The following EZH2 variants were observed in gnomAD, a reference collection of about 807,000 sequenced individuals.
EZH2 encodes histone-lysine N-methyltransferase EZH2.
EZH2 carries 18 observed loss-of-function variants against 98.4 expected under a neutral mutation model. The ratio of observed to expected loss-of-function variants is 0.18; its 90% CI spans 0.13 to 0.27. The LOEUF is 0.27. Ranked by LOEUF, EZH2 falls within the 10% of genes least tolerant of loss-of-function variation. The probability of loss-of-function intolerance (pLI) is 1.00; values close to 1 mark genes in which losing one functional copy is unlikely to be tolerated. For synonymous variants in EZH2, 338 were observed against 312.3 expected, an observed-to-expected ratio of 1.08 and a Z score of -0.87; for missense variants, 470 against 935.1, an observed-to-expected ratio of 0.50 and a Z score of 6.49.
intron 1 of EZH2, among the ~76,000 whole-genome samples, chr7:148,854,247 T>G (rs1285422672): frequency 1.3e-5 from 2 of 152,022 alleles, no homozygotes; most frequent in African/African-American, 4.8e-5. Context: ...AGATCGAGAC[T>G]AACACAGTGA....
At chr7:148,824,314 CAAAA>C (rs35218853) in intron 8 of EZH2, among the ~76,000 whole-genome samples, 25 of 132,358 alleles carry the variant, frequency 1.9e-4, no homozygotes, top group African/African-American at 6.3e-4. Context: ...GACTTCGTCT[CAAAA>C]AAAAAAAAAA....
intron 15 of EZH2, 184 bp from the exon 16 acceptor site, chr7:148,811,904 A>G: frequency 1.8e-6 from 1 of 570,620 alleles, no homozygotes; most frequent in South Asian, 2.1e-5. Context: ...TATGAACATT[A>G]TGTTTTCCTT....
In EZH2 at chr7:148,846,538, A is replaced by G. The variant is rs746946161; in HGVS notation, c.178T>C (p.Trp60Arg). Residue 60 changes from tryptophan to arginine, a missense_variant, in exon 3 of 20, where the codon TGG (tryptophan) becomes CGG (arginine). By Grantham distance (101) the Trp-to-Arg change is moderately radical. Around this residue, in one of 6 missense-constraint regions of EZH2, gnomAD observed 79 missense variants for 122.1 expected, o/e 0.65. Coordinates refer to ENST00000320356, the MANE Select transcript of EZH2 (RefSeq NM_004456.5). ...LERTEILNQE[W>R]KQRRIQPVHI... Reference sequence around the variant, plus strand: ...ACAGGCTGTATCCTTCGCTGTTTCCATTCTTGGTTTAAGATTTCCGTTCTT... The same window carrying G: ...ACAGGCTGTATCCTTCGCTGTTTCCGTTCTTGGTTTAAGATTTCCGTTCTT... The G allele has an allele frequency of 1.2e-6, 2 of 1,613,850 alleles. No homozygotes were observed. Among genetic ancestry groups the G allele is most frequent in the African/African-American group, 1.3e-5 (1 of 74,910 alleles).
intron 8 of EZH2, among the ~76,000 whole-genome samples, chr7:148,821,873 T>A (rs1175763509): frequency 6.6e-6 from 1 of 152,114 alleles, no homozygotes; most frequent in South Asian, 2.1e-4. Context: ...TCTAAATAAA[T>A]AAATTTATAT....
In EZH2 at chr7:148,817,919, T is replaced by C. The variant is rs1254820988; in HGVS notation, c.1198A>G (p.Lys400Glu). ...TCATCTTTCTTCTCTTCTTCTTCTT[T>C]ATCATTGTTCTCTCCCCCCGTTTCA... The part of the protein sequence containing the change: ...GTETGGENND[K>E]EEEEKKDETS... The change falls in exon 10 of 20, where the codon AAA becomes GAA. Residue 400 changes from lysine (K) to glutamate (E), a missense_variant. Lys to Glu is a moderately conservative substitution (Grantham distance 56). Coordinates refer to ENST00000320356, the MANE Select transcript of EZH2 (RefSeq NM_004456.5). The C allele has an allele frequency of 6.2e-7, 1 of 1,614,182 alleles. No homozygotes were observed. Among genetic ancestry groups the C allele is most frequent in the Non-Finnish European group, 8.5e-7 (1 of 1,179,994 alleles).
intron 1 of EZH2, among the ~76,000 whole-genome samples, chr7:148,874,845 C>T (rs758573841): frequency 2.0e-5 from 3 of 150,036 alleles, no homozygotes; most frequent in Admixed American, 6.7e-5. Flanking sequence ...TGCAGTGAGC[C>T]GAGATCGCGC....
intron 1 of EZH2, among the ~76,000 whole-genome samples, chr7:148,868,278 G>A (rs948604355): frequency 6.6e-6 from 1 of 152,180 alleles, no homozygotes; most frequent in African/African-American, 2.4e-5. Context: ...AAGAAAAGAG[G>A]TTTAATTTGC....
chr7:148,815,616 A>T (rs1804341940), intron 12 of EZH2, 70 bp from the exon 13 acceptor site: 2 of 1,340,128 alleles, frequency 1.5e-6, no homozygotes, highest in African/African-American at 2.9e-5. Flanking sequence ...GAGCTGCTTA[A>T]CTGGATCTAT....
Position 148,814,050 on chromosome 7 carries a change from G to C in EZH2, c.1760C>G (p.Pro587Arg). ...PCYLAVRECDPDLCLTCGAAD... is the reference protein window; with the variant it reads ...PCYLAVRECDRDLCLTCGAAD... ...GGCTCCACAAGTAAGACAGAGGTCA[G>C]GGTCACACTCTCGGACAGCCAGGTA... The change falls in exon 15 of 20, where the codon CCT becomes CGT. Residue 587 changes from proline (P) to arginine (R), a missense_variant. By Grantham distance (103) the Pro-to-Arg change is moderately radical. This residue lies in a region of EZH2 where 106 missense variants were observed against 327.2 expected (regional missense o/e 0.32). Transcript: ENST00000320356. 1 of 1,614,176 alleles carries C rather than the reference G, an allele frequency of 6.2e-7. No individual in the cohort carries two copies. Among genetic ancestry groups the C allele is most frequent in the Non-Finnish European group, 8.5e-7 (1 of 1,180,044 alleles).
At chr7:148,841,464 A>G (rs910792543) in intron 3 of EZH2, among the ~76,000 whole-genome samples, 3 of 152,190 alleles carry the variant, frequency 2.0e-5, no homozygotes, top group South Asian at 2.1e-4. Flanking sequence ...CCTTGAGGCA[A>G]TAAGAATGAG....
intron 8 of EZH2, among the ~76,000 whole-genome samples, chr7:148,822,935 C>T (rs1252496437): frequency 2.0e-5 from 3 of 152,008 alleles, no homozygotes; most frequent in Non-Finnish European, 2.9e-5. Flanking sequence ...GAGCGAGACC[C>T]GTCTCACAAA....
chr7:148,839,907 T>C (rs1309478195), intron 3 of EZH2, among the ~76,000 whole-genome samples: 3 of 152,164 alleles, frequency 2.0e-5, no homozygotes, highest in Admixed American at 6.5e-5. Flanking sequence ...CCCAACCTAA[T>C]TGCACAAGAT....
chr7:148,861,267 C>T (rs1353880594), intron 1 of EZH2, among the ~76,000 whole-genome samples: 2 of 150,824 alleles, frequency 1.3e-5, no homozygotes, highest in African/African-American at 4.9e-5. Flanking sequence ...CACTCTGTCA[C>T]CCAGGCTGGA....
chr7:148,852,963 A>G (rs959965333), intron 1 of EZH2, among the ~76,000 whole-genome samples: 4 of 152,206 alleles, frequency 2.6e-5, no homozygotes, highest in Non-Finnish European at 5.9e-5. Flanking sequence ...ACACTATTAC[A>G]TAACGTATAC....
chr7:148,871,577 C>CT (rs376098406), intron 1 of EZH2, among the ~76,000 whole-genome samples: 24,837 of 135,162 alleles, frequency 0.18, 2,623 homozygotes, highest in African/African-American at 0.26. Flanking sequence ...AGTGTATTTT[C>CT]TTTTTTTTTT....
intron 5 of EZH2, among the ~76,000 whole-genome samples, chr7:148,829,469 T>G (rs1808701518): frequency 1.3e-5 from 2 of 152,186 alleles, no homozygotes; most frequent in Admixed American, 6.5e-5. Flanking sequence ...CTATTTAATT[T>G]ACATGTTATT....
intron 1 of EZH2, among the ~76,000 whole-genome samples, chr7:148,863,096 A>AAAGAAAAG (rs572993194): frequency 6.9e-6 from 1 of 144,536 alleles, no homozygotes; most frequent in South Asian, 2.2e-4. Context: ...AAAAAAAAAA[A>AAAGAAAAG]AAAGAAAGAA....
At chr7:148,851,693 C>G (rs1450909297) in intron 1 of EZH2, among the ~76,000 whole-genome samples, 1 of 152,078 alleles carries the variant, frequency 6.6e-6, no homozygotes, top group African/African-American at 2.4e-5. Context: ...GTGAGACTCC[C>G]ATCTCAAATC....
chr7:148,811,563 T>C lies in EZH2; in HGVS notation c.1947+62A>G, dbSNP rs192331938. The C allele has an allele frequency of 1.5e-4, 201 of 1,326,288 alleles. 1 individual carries two copies. The African/African-American group carries it at 2.7e-3, about 18-fold the overall frequency. 82.2% of individuals were successfully genotyped at this position (1,326,288 alleles called of 1,614,324 possible). Reference sequence around the variant, plus strand: ...CCACAGACTTACCTAATAAAATCAATCTAAAATAAAGTAAAGTTAGTATAT... The same window carrying C: ...CCACAGACTTACCTAATAAAATCAACCTAAAATAAAGTAAAGTTAGTATAT... On this transcript the variant is annotated intron_variant, in intron 16 of 19. Coordinates refer to ENST00000320356, the MANE Select transcript of EZH2 (RefSeq NM_004456.5).
Sources: gnomAD v4.1 joint callset for allele counts (sites outside exome capture counted in the v4.1 genomes callset) on GRCh38, gnomAD v4.1.1 for gene constraint, gnomAD v4.1.1 regional missense constraint, MANE v1.5 for transcripts, NCBI Gene and HGNC (gene_info 2026-07-23, HGNC 2026-07-21) for gene names.